NCALD: variants seen among roughly 807,000 people sequenced by gnomAD.
NCALD encodes the protein neurocalcin delta, also known as neurocalcin-delta.
In NCALD, 10 loss-of-function variants were observed where a neutral mutation model predicts 18.6. That is an observed-to-expected ratio of 0.54 (90% CI 0.33 to 0.91). The LOEUF (loss-of-function observed/expected upper bound fraction) is 0.91. Ranked by LOEUF, NCALD falls within the 40% of genes least tolerant of loss-of-function variation. The pLI is 0.03. For synonymous variants in NCALD, 88 were observed against 87.4 expected, an observed-to-expected ratio of 1.01 and a Z score of -0.04; for missense variants, 184 against 247.6, an observed-to-expected ratio of 0.74 and a Z score of 1.72.
At chr8:101,905,280 T>TC (rs1817573282) in intron 3 of NCALD, among the ~76,000 whole-genome samples, 1 of 146,226 alleles carries the variant, frequency 6.8e-6, no homozygotes, top group African/African-American at 2.6e-5. Flanking sequence ...TCCTCTCCTC[T>TC]CTCTCTCTCT....
At chr8:102,000,321 TG>T (rs1435832320) in intron 2 of NCALD, among the ~76,000 whole-genome samples, 1 of 151,748 alleles carries the variant, frequency 6.6e-6, no homozygotes, top group Non-Finnish European at 1.5e-5. Context: ...GCAGCGAGGC[TG>T]GGGGAGGGGT....
At chr8:101,848,259 G>A (rs751548876) in intron 4 of NCALD, among the ~76,000 whole-genome samples, 31 of 152,122 alleles carry the variant, frequency 2.0e-4, no homozygotes, top group Admixed American at 3.9e-4. Flanking sequence ...GGGTCTCCAC[G>A]GAGCAGCAGG....
intron 2 of NCALD, among the ~76,000 whole-genome samples, chr8:101,921,949 C>A (rs905354485): frequency 7.0e-6 from 1 of 143,426 alleles, no homozygotes. Context: ...TTGAAAAGTA[C>A]ATTTTTTTTT....
chr8:101,701,436 G>A (rs1012694606), intron 2 of NCALD, among the ~76,000 whole-genome samples: 13 of 152,186 alleles, frequency 8.5e-5, no homozygotes, highest in Admixed American at 6.5e-5. Context: ...CTGGGTAAAT[G>A]CAGAGCTTTG....
chr8:102,061,760 G>T (rs553587180), intron 1 of NCALD, among the ~76,000 whole-genome samples: 27 of 152,196 alleles, frequency 1.8e-4, no homozygotes, highest in African/African-American at 6.0e-4. Flanking sequence ...CTCCATACTC[G>T]GCAGAATTTT....
At chr8:102,057,257 T>TACACAC (rs3085988) in intron 1 of NCALD, among the ~76,000 whole-genome samples, 35,874 of 147,558 alleles carry the variant, frequency 0.24, 4,778 homozygotes, top group East Asian at 0.54. Flanking sequence ...GGCTAGTTCA[T>TACACAC]ACACACACAC....
At chr8:101,912,405 C>T (rs962947530) in intron 3 of NCALD, among the ~76,000 whole-genome samples, 2 of 152,166 alleles carry the variant, frequency 1.3e-5, no homozygotes, top group African/African-American at 4.8e-5. Context: ...CAAATTTCCT[C>T]ACTAAAAAAG....
intron 3 of NCALD, chr8:101,691,229 C>T (rs1471177588): frequency 4.1e-6 from 4 of 985,190 alleles, no homozygotes; most frequent in Non-Finnish European, 4.8e-6. Flanking sequence ...GCCCCTCTTC[C>T]TCCTTCCTTC....
intron 2 of NCALD, among the ~76,000 whole-genome samples, chr8:101,709,582 G>A (rs889229076): frequency 2.0e-5 from 3 of 152,178 alleles, no homozygotes; most frequent in Non-Finnish European, 4.4e-5. Context: ...GAGTGCTGTG[G>A]TCCCATTGAT....
intron 4 of NCALD, among the ~76,000 whole-genome samples, chr8:101,814,686 G>C (rs1438301383): frequency 6.6e-6 from 1 of 152,026 alleles, no homozygotes; most frequent in Non-Finnish European, 1.5e-5. Context: ...TTGTTTGCAG[G>C]TGACATGATC....
chr8:102,116,286 A>G (rs55827798), intron 1 of NCALD, among the ~76,000 whole-genome samples: 3,615 of 138,752 alleles, frequency 0.026, 142 homozygotes, highest in African/African-American at 0.088. Flanking sequence ...AAACAAACAA[A>G]AACAAAAACC....
chr8:101,905,275 TC>T (rs1554660096), intron 3 of NCALD, among the ~76,000 whole-genome samples: 1 of 143,892 alleles, frequency 6.9e-6, no homozygotes, highest in Admixed American at 6.8e-5. Context: ...CTCTCTCCTC[TC>T]CTCTCTCTCT....
intron 3 of NCALD, chr8:101,691,763 G>C (rs1350534602): frequency 9.1e-6 from 9 of 985,210 alleles, no homozygotes; most frequent in Admixed American, 1.2e-4. Flanking sequence ...GTACCTGGGC[G>C]GGGGATAAAA....
intron 2 of NCALD, among the ~76,000 whole-genome samples, chr8:101,991,342 G>C (rs530380541): frequency 2.0e-5 from 3 of 152,230 alleles, no homozygotes; most frequent in Non-Finnish European, 2.9e-5. Context: ...GCTACCCTTA[G>C]AGCAGCAAGC....
intron 4 of NCALD, among the ~76,000 whole-genome samples, chr8:101,823,815 T>A (rs1388600702): frequency 6.6e-6 from 1 of 152,182 alleles, no homozygotes; most frequent in Non-Finnish European, 1.5e-5. Flanking sequence ...GCAGCACCAT[T>A]GAAACAATTA....
At chr8:101,838,087 C>T (rs537891038) in intron 4 of NCALD, among the ~76,000 whole-genome samples, 1 of 152,158 alleles carries the variant, frequency 6.6e-6, no homozygotes, top group African/African-American at 2.4e-5. Flanking sequence ...ATTATTAATA[C>T]AGTGTATTAA....
rs532884252 is a variant in NCALD at position 102,047,156 on chromosome 8, T to A, written c.-209-26867A>T. ...GCAAAAGACATGATCTCGTTCTTTTTACATGGCTGCATAGTATTCCACGGT... is the reference window on the plus strand; with the variant it reads ...GCAAAAGACATGATCTCGTTCTTTTAACATGGCTGCATAGTATTCCACGGT... On this transcript the variant is annotated intron_variant, in intron 1 of 6. Transcript: ENST00000311028. 3.8e-3 allele frequency among the ~76,000 whole-genome samples: 574 copies of A among 151,852 alleles called. 1 individual carries two copies. The highest frequency in any genetic ancestry group is 0.012 in the South Asian group (58 of 4,788).
chr8:101,933,313 CAG>C (rs373543118), intron 2 of NCALD, among the ~76,000 whole-genome samples: 100 of 152,292 alleles, frequency 6.6e-4, no homozygotes, highest in African/African-American at 2.3e-3. Context: ...CAGGAGCCAT[CAG>C]AGTCAGGGGA....
chr8:101,711,992 A>G lies in NCALD; in HGVS notation c.378+7260T>C, dbSNP rs567713221. ...CGTCAGATTCACCAAGGTTGAAATG[A>G]AGGAAAAAATATTAAGGGCAGCCAG... On this transcript the variant is annotated intron_variant, in intron 2 of 3. Transcript: ENST00000220931. Among the ~76,000 whole-genome samples, 17 of 152,334 alleles carry G rather than the reference A, an allele frequency of 1.1e-4. No homozygotes were observed. In the East Asian group the frequency reaches 2.9e-3, roughly 26 times the overall value.
Sources: allele counts gnomAD v4.1 joint callset (sites outside exome capture counted in the v4.1 genomes callset), GRCh38; gene constraint gnomAD v4.1.1; transcripts MANE v1.5; gene names NCBI Gene and HGNC (gene_info 2026-07-23, HGNC 2026-07-21).